Variants in COL24A1 observed in about 807,000 individuals in gnomAD.
The protein encoded by COL24A1 is collagen alpha-1(XXIV) chain.
A neutral mutation model predicts 253.9 loss-of-function variants in COL24A1; 224 were observed. The ratio of observed to expected loss-of-function variants is 0.88; its 90% CI spans 0.79 to 0.99. The LOEUF (loss-of-function observed/expected upper bound fraction) is 0.99. COL24A1 is among the 50% of genes least tolerant of loss of function. COL24A1 has a pLI of 0.00. For missense variants in COL24A1, 2,131 were observed against 2,068.5 expected (o/e 1.03, Z -0.59); for synonymous variants, 685 against 673.7 (o/e 1.02, Z -0.26).
At chr1:85,945,000 G>GCTTT (rs1689125102) in intron 24 of COL24A1, among the ~76,000 whole-genome samples, 1 of 36,124 alleles carries the variant, frequency 2.8e-5, no homozygotes, top group Non-Finnish European at 5.1e-5. Flanking sequence ...GTCTATCATT[G>GCTTT]TGTTTTTTTT....
chr1:85,885,397 A>ATATATATATATTTTT (rs60994639), intron 32 of COL24A1, among the ~76,000 whole-genome samples: 30 of 128,904 alleles, frequency 2.3e-4, no homozygotes, highest in African/African-American at 7.9e-4. Flanking sequence ...ATATATATAT[A>ATATATATATATTTTT]TTTTTTTTTT....
At chr1:85,938,832 G>GTAACTATAT (rs1688466640) in intron 24 of COL24A1, among the ~76,000 whole-genome samples, 2 of 118,000 alleles carry the variant, frequency 1.7e-5, no homozygotes, top group African/African-American at 3.0e-5. Context: ...AACTATAAAA[G>GTAACTATAT]CCCAGTTACT....
chr1:85,916,251 T>C (rs113150115), intron 24 of COL24A1, among the ~76,000 whole-genome samples: 4 of 152,304 alleles, frequency 2.6e-5, no homozygotes, highest in African/African-American at 4.8e-5. Flanking sequence ...TTGTCTCTTA[T>C]ACATGGCCCA....
chr1:86,103,868 G>A (rs1207576036), intron 5 of COL24A1, among the ~76,000 whole-genome samples: 1 of 152,112 alleles, frequency 6.6e-6, no homozygotes, highest in African/African-American at 2.4e-5. Flanking sequence ...TCTTGGGGAT[G>A]ATCTTCTTGG....
At chr1:85,794,089 G>A (rs886383893) in intron 47 of COL24A1, among the ~76,000 whole-genome samples, 5 of 151,954 alleles carry the variant, frequency 3.3e-5, no homozygotes, top group African/African-American at 4.8e-5. Flanking sequence ...GATGTAGATC[G>A]TGTGAGAATT....
chr1:85,769,331 T>C (rs1159677318), intron 53 of COL24A1, among the ~76,000 whole-genome samples: 2 of 152,090 alleles, frequency 1.3e-5, no homozygotes, highest in South Asian at 2.1e-4. Flanking sequence ...TGTCAGTTGG[T>C]AGAGGCACAG....
intron 1 of COL24A1, chr1:86,154,500 G>A (rs1202144318): frequency 6.6e-6 from 1 of 152,526 alleles, no homozygotes; most frequent in Non-Finnish European, 1.5e-5. Context: ...CCCATTCCAC[G>A]TTTTATAATT....
intron 37 of COL24A1, among the ~76,000 whole-genome samples, 192 bp from the exon 38 acceptor site, chr1:85,849,598 T>C (rs1203999678): frequency 6.6e-6 from 1 of 152,170 alleles, no homozygotes; most frequent in Non-Finnish European, 1.5e-5. Flanking sequence ...TGTTATTAGC[T>C]ATAAAGTTCA....
At chr1:86,021,721 T>C (rs1440700706) in intron 18 of COL24A1, among the ~76,000 whole-genome samples, 1 of 152,054 alleles carries the variant, frequency 6.6e-6, no homozygotes, top group Non-Finnish European at 1.5e-5. Flanking sequence ...AATTATTAAG[T>C]AATTTTAGAT....
At chr1:85,825,823 AGCCCTTTGTC>A (rs1295494773) in intron 43 of COL24A1, among the ~76,000 whole-genome samples, 9 of 100,406 alleles carry the variant, frequency 9.0e-5, no homozygotes, top group African/African-American at 3.3e-4. Context: ...TCTGGATATT[AGCCCTTTGTC>A]AGATGAGTAG....
chr1:85,874,792 C>G (rs146564059), intron 34 of COL24A1, 90 bp from the exon 35 acceptor site: 20 of 1,405,326 alleles, frequency 1.4e-5, no homozygotes, highest in Non-Finnish European at 1.8e-5. Flanking sequence ...AGTTCCCCAA[C>G]GCCTGGGCCG....
At chr1:86,041,285 T>C (rs1000204327) in intron 12 of COL24A1, among the ~76,000 whole-genome samples, 3 of 152,180 alleles carry the variant, frequency 2.0e-5, no homozygotes, top group Non-Finnish European at 4.4e-5. Flanking sequence ...TAATCCATTC[T>C]AAGGGTCTGA....
intron 10 of COL24A1, among the ~76,000 whole-genome samples, chr1:86,051,148 G>T (rs1352885622): frequency 3.9e-5 from 6 of 152,076 alleles, no homozygotes; most frequent in Admixed American, 2.0e-4. Context: ...GTCTAAATTT[G>T]AAGGTTTACG....
At chr1:86,133,328 T>C (rs1557765013) in intron 2 of COL24A1, among the ~76,000 whole-genome samples, 1 of 152,118 alleles carries the variant, frequency 6.6e-6, no homozygotes, top group African/African-American at 2.4e-5. Context: ...CTTTTCCTAA[T>C]TGAATACCCT....
chr1:85,886,125 C>T (rs1040635559), intron 32 of COL24A1, among the ~76,000 whole-genome samples: 5 of 151,418 alleles, frequency 3.3e-5, no homozygotes, highest in South Asian at 2.1e-4. Context: ...TGCAGTTGTG[C>T]GATCTTGGCT....
intron 47 of COL24A1, among the ~76,000 whole-genome samples, chr1:85,814,312 C>T (rs72950701): frequency 0.027 from 4,073 of 152,230 alleles, 184 homozygotes; most frequent in African/African-American, 0.091. Flanking sequence ...GAAAATAAAA[C>T]TAGCATGACA....
At chr1:85,735,593 G>T (rs548092845) in intron 58 of COL24A1, among the ~76,000 whole-genome samples, 1 of 151,796 alleles carries the variant, frequency 6.6e-6, no homozygotes, top group Non-Finnish European at 1.5e-5. Context: ...ACAGTGAATC[G>T]TCAATAAATA....
chr1:85,948,064 G>T (rs1689502594), intron 24 of COL24A1, among the ~76,000 whole-genome samples: 2 of 152,134 alleles, frequency 1.3e-5, no homozygotes, highest in Non-Finnish European at 1.5e-5. Flanking sequence ...GAAGTCTCAT[G>T]CATATCTCCT....
chr1:86,040,421 C>A (rs568991152), intron 12 of COL24A1, among the ~76,000 whole-genome samples: 61 of 149,996 alleles, frequency 4.1e-4, no homozygotes, highest in Non-Finnish European at 7.7e-4. Flanking sequence ...CCCACTAACT[C>A]GTCATCTAGC....
Sources: gnomAD v4.1 joint callset for allele counts (sites outside exome capture counted in the v4.1 genomes callset) on GRCh38, gnomAD v4.1.1 for gene constraint, MANE v1.5 for transcripts, NCBI Gene and HGNC (gene_info 2026-07-23, HGNC 2026-07-21) for gene names.